Variants in TET2 observed in about 807,000 individuals in gnomAD.
The protein encoded by TET2 is methylcytosine dioxygenase TET2.
Under a neutral mutation model 142.9 loss-of-function variants are expected in TET2, and 299 were observed. That is an observed-to-expected ratio of 2.09 (90% CI 1.90 to 2.30). The LOEUF is 2.30. Ranked by LOEUF, TET2 falls within the 30% of genes most tolerant of loss-of-function variation. The pLI is 0.00. For missense variants in TET2, 2,418 were observed against 2,378.0 expected (o/e 1.02, Z -0.35); for synonymous variants, 819 against 849.0 (o/e 0.96, Z 0.61).
At chr4:105,215,311 GAA>G (rs1727429056) in intron 2 of TET2, among the ~76,000 whole-genome samples, 1 of 151,946 alleles carries the variant, frequency 6.6e-6, no homozygotes, top group African/African-American at 2.4e-5. Context: ...AAACTAAAAA[GAA>G]TAGGTTATTT....
chr4:105,161,316 A>G (rs6811468), intron 1 of TET2, among the ~76,000 whole-genome samples: 3,529 of 152,304 alleles, frequency 0.023, 110 homozygotes, highest in African/African-American at 0.078. Flanking sequence ...AGTGTTTATT[A>G]CTTATAATTT....
chr4:105,201,915 G>A (rs112819883), intron 2 of TET2, among the ~76,000 whole-genome samples: 26 of 151,370 alleles, frequency 1.7e-4, no homozygotes, highest in Admixed American at 7.9e-4. Flanking sequence ...CTAATTTTTT[G>A]TATTTTTTGT....
At chr4:105,162,765 C>T (rs1723923114) in intron 1 of TET2, among the ~76,000 whole-genome samples, 1 of 152,086 alleles carries the variant, frequency 6.6e-6, no homozygotes, top group Non-Finnish European at 1.5e-5. Flanking sequence ...TGAAAACATG[C>T]CATTCCTATT....
chr4:105,239,494 G>A (rs1341241409), intron 3 of TET2: 6 of 238,814 alleles, frequency 2.5e-5, no homozygotes, highest in East Asian at 6.4e-5. Context: ...AGACAGCTGC[G>A]CTTCTTAAAC....
chr4:105,274,830 AT>A (rs144107843), intron 10 of TET2, among the ~76,000 whole-genome samples: 44 of 149,832 alleles, frequency 2.9e-4, no homozygotes, highest in African/African-American at 9.5e-4. Context: ...TGTTTATTAC[AT>A]TTTTTTTTTC....
intron 7 of TET2, 87 bp from the exon 8 acceptor site, chr4:105,261,672 G>T: frequency 1.4e-6 from 1 of 734,330 alleles, no homozygotes; most frequent in Non-Finnish European, 2.2e-6. Context: ...GATTCAAAAT[G>T]TAAGGGGAAT....
chr4:105,226,841 T>C (rs149600453), intron 2 of TET2, among the ~76,000 whole-genome samples: 33 of 152,268 alleles, frequency 2.2e-4, no homozygotes, highest in African/African-American at 7.2e-4. Context: ...TATTTCTTTA[T>C]AGCAACTCAA....
intron 2 of TET2, among the ~76,000 whole-genome samples, chr4:105,232,902 G>C (rs1200426152): frequency 6.6e-6 from 1 of 152,226 alleles, no homozygotes; most frequent in East Asian, 1.9e-4. Context: ...ACTGAAGGGA[G>C]TGTGCCTTAT....
At chr4:105,158,818 A>G (rs1304772528) in intron 1 of TET2, among the ~76,000 whole-genome samples, 2 of 151,894 alleles carry the variant, frequency 1.3e-5, no homozygotes, top group Non-Finnish European at 2.9e-5. Flanking sequence ...TTGGAAAAAA[A>G]AAAAGAAAGA....
intron 9 of TET2, 90 bp from the exon 10 acceptor site, chr4:105,272,474 C>G: frequency 2.3e-6 from 2 of 875,406 alleles, no homozygotes; most frequent in South Asian, 3.7e-5. Flanking sequence ...CAACACAAAT[C>G]TGAATACTGA....
chr4:105,259,176 A>G (rs1051912807), intron 6 of TET2, among the ~76,000 whole-genome samples: 2 of 152,330 alleles, frequency 1.3e-5, no homozygotes, highest in Admixed American at 1.3e-4. Flanking sequence ...ACTTGAGCCC[A>G]GAAGTTCAGG....
At position 105,232,261 on chromosome 4, in the gene TET2, A is replaced by G. The variant is rs375778465; in HGVS notation, c.-46-1636A>G. On this transcript the variant is annotated intron_variant, in intron 2 of 10. Transcript: ENST00000380013. The stretch of plus-strand genomic sequence containing the variant: ...ATGTAACACTTTCTTTATCCAGTCT[A>G]CTACTTACGGACATTTAGGTTGATT... Among the ~76,000 whole-genome samples, 6 of 152,270 alleles carry G rather than the reference A, an allele frequency of 3.9e-5. No individual in the cohort carries two copies. The South Asian group carries it at 6.2e-4, about 16-fold the overall frequency.
rs1723345181 is a variant in TET2 at position 105,152,334 on chromosome 4, G to GT, written c.-193+5360dup. 2.6e-5 allele frequency among the ~76,000 whole-genome samples: 4 copies of GT among 152,158 alleles called. No individual in the cohort carries two copies. The South Asian group carries it at 8.3e-4, about 32-fold the overall frequency. ...GGAGATGAATAAATTGGGATAAAGTGTTTTTGAAGGACAGTCTAGGATATA... is the reference window on the plus strand; with the variant it reads ...GGAGATGAATAAATTGGGATAAAGTGTTTTTTGAAGGACAGTCTAGGATATA... On this transcript the variant is annotated intron_variant, in intron 1 of 10. Coordinates refer to ENST00000380013, the MANE Select transcript of TET2 (RefSeq NM_001127208.3).
Position 105,278,037 on chromosome 4 carries a change from G to T in TET2, c.*1518G>T. On this transcript the variant is annotated 3_prime_UTR_variant, in exon 11 of 11. Transcript: ENST00000380013. ...TAAAAAGAAACAAAAACAGGCAGCT[G>T]GTTTGCTGTGGTGGTTTTAAATCAT... is the stretch of plus-strand genomic sequence containing the variant. 1 of 211,886 alleles carries T rather than the reference G, an allele frequency of 4.7e-6. No individual in the cohort carries two copies. The highest frequency in any genetic ancestry group is 1.9e-4 in the South Asian group (1 of 5,338). The allele number at this position is 211,886 out of a possible 1,614,324, so 13.1% of individuals were successfully genotyped here.
In TET2 at chr4:105,234,725, C is replaced by A; in HGVS notation, c.783C>A (p.Ser261=). 1.2e-6 allele frequency: 2 copies of A among 1,614,056 alleles called. No homozygotes were observed. The highest frequency in any genetic ancestry group is 1.7e-6 in the Non-Finnish European group (2 of 1,180,018). ...ACAGTCAGGCTACTAATGAGTTGTC[C>A]TGTGAGATCACTCACCCATCGCATA... ...AINSQATNEL[S]CEITHPSHTS... Residue 261 remains serine (S), a synonymous_variant, in exon 3 of 11, where the codon TCC becomes TCA. Transcript: ENST00000380013.
In TET2 at chr4:105,278,720, C is replaced by G. The variant is rs1189742203; in HGVS notation, c.*2201C>G. ...AGTTTGAGGAATCTTTTGACTGTTT[C>G]AAGCAGGAAAAAAAAATTACATGAA... On this transcript the variant is annotated 3_prime_UTR_variant, in exon 11 of 11. Coordinates refer to ENST00000380013, the MANE Select transcript of TET2 (RefSeq NM_001127208.3). The G allele has an allele frequency of 4.3e-6, 1 of 232,370 alleles. No individual in the cohort carries two copies. Among genetic ancestry groups the G allele is most frequent in the Admixed American group, 5.6e-5 (1 of 17,718 alleles). The allele number at this position is 232,370 out of a possible 1,614,324, so 14.4% of individuals were successfully genotyped here.
chr4:105,274,299 CTT>C (rs1731094258), intron 10 of TET2, among the ~76,000 whole-genome samples: 3 of 152,180 alleles, frequency 2.0e-5, no homozygotes, highest in Non-Finnish European at 4.4e-5. Context: ...AGAAGTATGA[CTT>C]TTAAAAGTTT....
At position 105,237,593 on chromosome 4, in the gene TET2, C is replaced by G. The variant is rs558055103; in HGVS notation, c.3409+242C>G. The G allele has an allele frequency of 3.6e-5, 53 of 1,467,462 alleles. No individual in the cohort carries two copies. The East Asian group carries it at 7.4e-4, about 21-fold the overall frequency. The allele number at this position is 1,467,462 out of a possible 1,614,324, so 90.9% of individuals were successfully genotyped here. A position where few individuals can be genotyped will look rare whatever the true frequency, so the allele number is the denominator to read the frequency against. On this transcript the variant is annotated intron_variant, in intron 3 of 10. Coordinates refer to ENST00000380013, the MANE Select transcript of TET2 (RefSeq NM_001127208.3). ...AATAATCGTGCATGTTTATTTTTCC[C>G]TCTCTTCAGATCCTGTAAAATTTGA... is the stretch of plus-strand genomic sequence containing the variant.
chr4:105,243,535 G>C, intron 5 of TET2, 35 bp from the exon 6 acceptor site: 2 of 1,537,098 alleles, frequency 1.3e-6, no homozygotes, highest in Non-Finnish European at 8.8e-7. Flanking sequence ...TGGTTGGGGT[G>C]GGGGGTGTTT....
Sources: gnomAD v4.1 joint callset for allele counts (sites outside exome capture counted in the v4.1 genomes callset) on GRCh38, gnomAD v4.1.1 for gene constraint, MANE v1.5 for transcripts, NCBI Gene and HGNC (gene_info 2026-07-23, HGNC 2026-07-21) for gene names.